Variants in CDH18 observed in about 807,000 individuals in gnomAD.
CDH18 encodes cadherin-18.
A neutral mutation model predicts 67.9 loss-of-function variants in CDH18; 31 were observed. The ratio of observed to expected loss-of-function variants is 0.46; its 90% CI spans 0.34 to 0.62. The LOEUF (loss-of-function observed/expected upper bound fraction) is 0.62, where lower values mean the gene tolerates loss of function less well. Among genes scored for constraint, CDH18 ranks in the 20% least tolerant of loss-of-function variants. The pLI is 0.01. For missense variants in CDH18, 890 were observed against 975.5 expected (o/e 0.91, Z 1.17); for synonymous variants, 362 against 347.2 (o/e 1.04, Z -0.48).
At chr5:19,612,809 G>A (rs532997874) in intron 5 of CDH18, among the ~76,000 whole-genome samples, 2 of 152,186 alleles carry the variant, frequency 1.3e-5, no homozygotes, top group Admixed American at 1.3e-4. Context: ...ATCCTATTAA[G>A]TAAATTAAGA....
At chr5:19,638,283 C>T (rs1479399959) in intron 5 of CDH18, among the ~76,000 whole-genome samples, 2 of 152,132 alleles carry the variant, frequency 1.3e-5, no homozygotes, top group East Asian at 1.9e-4. Context: ...AAAGTCAGAC[C>T]TCAATCCTCA....
At chr5:19,722,013 T>C (rs1766163521) in intron 4 of CDH18, among the ~76,000 whole-genome samples, 1 of 152,104 alleles carries the variant, frequency 6.6e-6, no homozygotes, top group Non-Finnish European at 1.5e-5. Flanking sequence ...AATTAATGAG[T>C]CACATAACTG....
At chr5:19,531,268 T>C (rs1216027543) in intron 9 of CDH18, among the ~76,000 whole-genome samples, 2 of 152,034 alleles carry the variant, frequency 1.3e-5, no homozygotes, top group Admixed American at 1.3e-4. Context: ...ATTCAAACAA[T>C]AAAAATCTAA....
chr5:20,507,599 AG>A (rs748762450), intron 1 of CDH18, among the ~76,000 whole-genome samples: 22 of 152,208 alleles, frequency 1.4e-4, no homozygotes, highest in Non-Finnish European at 3.2e-4. Context: ...ATATCCTCAA[AG>A]TAAAAGAAGA....
intron 2 of CDH18, among the ~76,000 whole-genome samples, chr5:20,161,040 C>A (rs1735854115): frequency 6.6e-6 from 1 of 152,142 alleles, no homozygotes; most frequent in Non-Finnish European, 1.5e-5. Flanking sequence ...TGTGTTACAA[C>A]AGAACTGAGT....
intron 2 of CDH18, among the ~76,000 whole-genome samples, chr5:19,839,981 G>A (rs1205605750): frequency 1.3e-5 from 2 of 151,954 alleles, no homozygotes; most frequent in East Asian, 3.9e-4. Flanking sequence ...GTTGAAGGCC[G>A]GGTGGGGTGG....
intron 1 of CDH18, among the ~76,000 whole-genome samples, chr5:20,333,526 T>TACAC (rs1452450309): frequency 3.6e-5 from 4 of 111,736 alleles, no homozygotes; most frequent in African/African-American, 1.1e-4. Context: ...AAACAATATA[T>TACAC]ATACACACAC....
chr5:19,493,472 T>C (rs1389893043), intron 11 of CDH18, among the ~76,000 whole-genome samples: 1 of 151,942 alleles, frequency 6.6e-6, no homozygotes, highest in Non-Finnish European at 1.5e-5. Flanking sequence ...AAATAATAAT[T>C]TGATGTGAGG....
Position 19,708,304 on chromosome 5 carries a change from A to G in CDH18, c.643+13043T>C, listed in dbSNP as rs181153152. Among the ~76,000 whole-genome samples the G allele has an allele frequency of 2.3e-3, 348 of 152,286 alleles. 8 individuals are homozygous for G. Among genetic ancestry groups the G allele is most frequent in the Admixed American group, 0.022 (332 of 15,290 alleles). ...TATTAACCCATTTAAATGGATAAAA[A>G]CACCTGGAGGCTCTGTGATTTCAAT... On this transcript the variant is annotated intron_variant, in intron 5 of 12. Coordinates refer to ENST00000382275, the MANE Select transcript of CDH18 (RefSeq NM_004934.5).
intron 2 of CDH18, among the ~76,000 whole-genome samples, chr5:20,175,686 T>A (rs1737177995): frequency 6.6e-6 from 1 of 152,134 alleles, no homozygotes; most frequent in Admixed American, 6.6e-5. Flanking sequence ...CTTGGAGTCC[T>A]ATGTTCAAGG....
At chr5:19,532,312 C>T (rs892953212) in intron 9 of CDH18, among the ~76,000 whole-genome samples, 3 of 151,946 alleles carry the variant, frequency 2.0e-5, no homozygotes, top group African/African-American at 4.8e-5. Flanking sequence ...GAAAATATTC[C>T]GCATTTATGC....
At chr5:20,503,345 AC>A (rs762688401) in intron 1 of CDH18, among the ~76,000 whole-genome samples, 7 of 152,122 alleles carry the variant, frequency 4.6e-5, no homozygotes, top group Non-Finnish European at 7.4e-5. Context: ...TATAATTATG[AC>A]ATAGTTGGAT....
intron 2 of CDH18, among the ~76,000 whole-genome samples, chr5:19,883,155 C>A (rs940459891): frequency 6.6e-6 from 1 of 152,130 alleles, no homozygotes; most frequent in Non-Finnish European, 1.5e-5. Flanking sequence ...GAATCAAAAT[C>A]TGTGGGCATT....
intron 1 of CDH18, among the ~76,000 whole-genome samples, chr5:20,393,470 C>T (rs532145733): frequency 1.3e-5 from 2 of 151,956 alleles, no homozygotes; most frequent in East Asian, 3.9e-4. Context: ...CTTGTCAACT[C>T]ATTTCAACTC....
At chr5:19,584,957 T>C (rs577860059) in intron 7 of CDH18, among the ~76,000 whole-genome samples, 1 of 150,402 alleles carries the variant, frequency 6.6e-6, no homozygotes, top group Non-Finnish European at 1.5e-5. Context: ...ATCGCACCAC[T>C]GCACTCCAGC....
rs950003500 is a variant in CDH18, at chr5:19,592,701, C to T, written c.812-1457G>A. 5.9e-5 allele frequency among the ~76,000 whole-genome samples: 9 copies of T among 152,044 alleles called. No individual in the cohort carries two copies. The East Asian group carries it at 7.7e-4, about 13-fold the overall frequency. Reference sequence around the variant, plus strand: ...AAGAACACTTAATATGAGATCCATCCGATAAACAAATTTCTACACAACACA... The same window carrying T: ...AAGAACACTTAATATGAGATCCATCTGATAAACAAATTTCTACACAACACA... On this transcript the variant is annotated intron_variant, in intron 6 of 12. Transcript: ENST00000382275.
intron 3 of CDH18, among the ~76,000 whole-genome samples, chr5:19,787,005 A>G (rs1775866646): frequency 6.6e-6 from 1 of 152,128 alleles, no homozygotes. Context: ...AAGATCCCCT[A>G]CAGACGGGAT....
At chr5:20,514,963 T>C (rs1014929092) in intron 1 of CDH18, among the ~76,000 whole-genome samples, 1 of 151,836 alleles carries the variant, frequency 6.6e-6, no homozygotes, top group Non-Finnish European at 1.5e-5. Flanking sequence ...TCTTCATAGA[T>C]ATGACAGCAT....
At chr5:19,808,326 A>C (rs111244596) in intron 3 of CDH18, among the ~76,000 whole-genome samples, 11 of 149,668 alleles carry the variant, frequency 7.3e-5, no homozygotes, top group African/African-American at 2.4e-4. Context: ...AACAAAAAAA[A>C]AACAAAAATA....
Sources: gnomAD v4.1 joint callset for allele counts (sites outside exome capture counted in the v4.1 genomes callset) on GRCh38, gnomAD v4.1.1 for gene constraint, MANE v1.5 for transcripts, NCBI Gene and HGNC (gene_info 2026-07-23, HGNC 2026-07-21) for gene names.